Variants in GLRA2 observed in about 807,000 individuals in gnomAD.
GLRA2 encodes glycine receptor alpha 2, also known as glycine receptor subunit alpha-2.
In GLRA2, 11 loss-of-function variants were observed where a neutral mutation model predicts 31.6. The ratio of observed to expected loss-of-function variants is 0.35; its 90% confidence interval spans 0.22 to 0.58. GLRA2 has a LOEUF of 0.58. Ranked by LOEUF, GLRA2 falls within the 20% of genes least tolerant of loss-of-function variation. The pLI is 0.84. For synonymous variants in GLRA2, 132 were observed against 134.0 expected (o/e 0.99, Z 0.10); for missense variants, 212 against 351.8 (o/e 0.60, Z 3.18).
intron 2 of GLRA2, among the ~76,000 whole-genome samples, chrX:14,571,851 C>A (rs1712480184): frequency 9.0e-6 from 1 of 111,279 alleles, no homozygotes; most frequent in Non-Finnish European, 1.9e-5. Context: ...CCATGGTTAG[C>A]AGGCCAGGAG....
chrX:14,598,523 G>A (rs772808889), intron 4 of GLRA2, among the ~76,000 whole-genome samples: 1 of 112,297 alleles, frequency 8.9e-6, no homozygotes, highest in African/African-American at 3.2e-5. Flanking sequence ...GTTGACCAAG[G>A]TTCCAGGACA....
intron 8 of GLRA2, among the ~76,000 whole-genome samples, chrX:14,697,394 A>G (rs1209846442): frequency 8.9e-6 from 1 of 112,249 alleles, no homozygotes; most frequent in African/African-American, 3.2e-5. Context: ...GGATTCTGTC[A>G]TAGGGTGATC....
chrX:14,599,057 G>A (rs186497233), intron 4 of GLRA2, among the ~76,000 whole-genome samples: 3 of 111,205 alleles, frequency 2.7e-5, no homozygotes, highest in South Asian at 3.8e-4. Context: ...TTTGGGAGAC[G>A]GACTTTCTTT....
chrX:14,478,709 C>T, the GLRA2 span, among the ~76,000 whole-genome samples: 1 of 112,238 alleles, frequency 8.9e-6, no homozygotes, highest in African/African-American at 3.2e-5. Flanking sequence ...AAGCTCCCAG[C>T]TAAATTTATT....
chrX:14,517,677 G>A, the GLRA2 span, among the ~76,000 whole-genome samples: 1 of 111,345 alleles, frequency 9.0e-6, no homozygotes, highest in Non-Finnish European at 1.9e-5. Context: ...AGATTTGGGT[G>A]GGGACACAGC....
At chrX:14,573,923 T>C (rs1217378944) in intron 2 of GLRA2, among the ~76,000 whole-genome samples, 1 of 110,248 alleles carries the variant, frequency 9.1e-6, no homozygotes, top group Non-Finnish European at 1.9e-5. Flanking sequence ...TTCTGACTCA[T>C]CCATAACTCA....
intron 8 of GLRA2, among the ~76,000 whole-genome samples, chrX:14,718,866 T>C (rs2091826717): frequency 8.9e-6 from 1 of 111,932 alleles, no homozygotes; most frequent in South Asian, 3.8e-4. Flanking sequence ...CAGTGTCATC[T>C]TCACTGCATT....
intron 8 of GLRA2, among the ~76,000 whole-genome samples, chrX:14,691,464 A>C (rs750235019): frequency 9.0e-6 from 1 of 111,596 alleles, no homozygotes; most frequent in East Asian, 2.8e-4. Context: ...CTCAACTTAA[A>C]CTTTAGTGCA....
chrX:14,484,231 T>C, the GLRA2 span, among the ~76,000 whole-genome samples: 1 of 112,216 alleles, frequency 8.9e-6, no homozygotes, highest in Non-Finnish European at 1.9e-5. Flanking sequence ...TTTTACAAAT[T>C]TCAAAAGTGG....
chrX:14,681,785 G>A (rs764887498), intron 7 of GLRA2, among the ~76,000 whole-genome samples: 4 of 100,615 alleles, frequency 4.0e-5, no homozygotes, highest in Admixed American at 1.1e-4. Flanking sequence ...CCAGTTACTC[G>A]GCAGGCTGAG....
intron 2 of GLRA2, among the ~76,000 whole-genome samples, chrX:14,537,795 T>C (rs2089345815): frequency 9.1e-6 from 1 of 109,799 alleles, no homozygotes; most frequent in East Asian, 2.9e-4. Flanking sequence ...TATAAAACAT[T>C]ATCAATAAGG....
intron 7 of GLRA2, among the ~76,000 whole-genome samples, chrX:14,644,670 C>A (rs1280696918): frequency 9.0e-6 from 1 of 111,461 alleles, no homozygotes; most frequent in Non-Finnish European, 1.9e-5. Context: ...GATTTTATTG[C>A]TTTTTTTGTT....
intron 7 of GLRA2, among the ~76,000 whole-genome samples, chrX:14,626,211 A>C (rs62586494): frequency 0.21 from 23,734 of 111,519 alleles, 1,962 homozygotes; most frequent in Middle Eastern, 0.26. Flanking sequence ...CATTTGTAGC[A>C]AGTGAAGAAC....
chrX:14,485,563 C>T, the GLRA2 span, among the ~76,000 whole-genome samples: 19 of 111,441 alleles, frequency 1.7e-4, no homozygotes, highest in African/African-American at 5.5e-4. Flanking sequence ...TTAACATATC[C>T]ATCATCTCAT....
rs987939383 is a variant in GLRA2 at position 14,553,326 on chromosome X, A to G, written c.202+20954A>G. 5.4e-5 allele frequency among the ~76,000 whole-genome samples: 6 copies of G among 111,835 alleles called. No individual in the cohort carries two copies. The South Asian group carries it at 1.9e-3, about 35-fold the overall frequency. On this transcript the variant is annotated intron_variant, in intron 2 of 8. Coordinates refer to ENST00000218075, the MANE Select transcript of GLRA2 (RefSeq NM_002063.4). ...TATATACTCACTATGAAATAGAGCC[A>G]TATCTTCCCCCTCCTCTGCACATGA...
At chrX:14,582,836 T>C (rs1238876027) in intron 4 of GLRA2, among the ~76,000 whole-genome samples, 2 of 112,086 alleles carry the variant, frequency 1.8e-5, no homozygotes, top group Non-Finnish European at 3.8e-5. Flanking sequence ...TCTATCATTA[T>C]AGCTCAAAAG....
At chrX:14,708,658 C>A (rs776713873) in intron 8 of GLRA2, among the ~76,000 whole-genome samples, 3 of 111,850 alleles carry the variant, frequency 2.7e-5, no homozygotes, top group African/African-American at 9.7e-5. Flanking sequence ...GACATCAGGC[C>A]AGGCGCGGTG....
the GLRA2 span, among the ~76,000 whole-genome samples, chrX:14,458,510 T>C: frequency 2.7e-5 from 3 of 112,152 alleles, no homozygotes; most frequent in East Asian, 8.4e-4. Flanking sequence ...CATTCCTATT[T>C]CTCCACATCC....
chrX:14,728,215 C>T (rs2091950025), intron 8 of GLRA2, among the ~76,000 whole-genome samples: 1 of 109,730 alleles, frequency 9.1e-6, no homozygotes, highest in African/African-American at 3.3e-5. Flanking sequence ...ATAGTGGGAC[C>T]CCGTCTCTAC....
Sources: allele counts gnomAD v4.1 joint callset (sites outside exome capture counted in the v4.1 genomes callset), GRCh38; gene constraint gnomAD v4.1.1; transcripts MANE v1.5; gene names NCBI Gene and HGNC (gene_info 2026-07-23, HGNC 2026-07-21).